Variants in CSMD1 observed in about 807,000 individuals in gnomAD.
CSMD1 encodes CUB and sushi domain-containing protein 1.
A neutral mutation model predicts 417.5 loss-of-function variants in CSMD1; 213 were observed. The ratio of observed to expected loss-of-function variants is 0.51; its 90% CI spans 0.46 to 0.57. The LOEUF (loss-of-function observed/expected upper bound fraction) is 0.57, where lower values mean the gene tolerates loss of function less well. Among genes scored for constraint, CSMD1 ranks in the 20% least tolerant of loss-of-function variants. The pLI, the probability that CSMD1 is intolerant of heterozygous loss-of-function variation, is 0.00. For synonymous variants in CSMD1, 2,862 were observed against 1,736.8 expected (o/e 1.65, Z -16.11); for missense variants, 6,923 against 4,529.7 (o/e 1.53, Z -15.17).
intron 10 of CSMD1, among the ~76,000 whole-genome samples, chr8:3,537,193 G>T (rs1020125927): frequency 7.2e-5 from 11 of 152,086 alleles, no homozygotes; most frequent in South Asian, 2.1e-4. Context: ...TAAGAGACAG[G>T]TTTCACCATG....
chr8:4,461,733 A>G (rs944463447), intron 2 of CSMD1, among the ~76,000 whole-genome samples: 48 of 108,728 alleles, frequency 4.4e-4, no homozygotes, highest in African/African-American at 1.7e-3. Flanking sequence ...TTTATTATTT[A>G]TTTACTTATT....
At chr8:4,460,832 T>C (rs1473022466) in intron 2 of CSMD1, among the ~76,000 whole-genome samples, 4 of 152,156 alleles carry the variant, frequency 2.6e-5, no homozygotes, top group African/African-American at 9.7e-5. Context: ...CACTGGTGAA[T>C]TCTACCAAAC....
chr8:3,619,902 G>C (rs544504391), intron 7 of CSMD1, among the ~76,000 whole-genome samples: 1 of 152,098 alleles, frequency 6.6e-6, no homozygotes, highest in African/African-American at 2.4e-5. Context: ...AGGAATTCAA[G>C]ACTGGCCTGG....
intron 4 of CSMD1, among the ~76,000 whole-genome samples, chr8:4,030,696 T>C (rs1467077686): frequency 6.6e-6 from 1 of 152,222 alleles, no homozygotes; most frequent in African/African-American, 2.4e-5. Flanking sequence ...TATACAAATT[T>C]CTGCAGTTGG....
At chr8:3,646,971 T>A (rs1424123224) in intron 7 of CSMD1, among the ~76,000 whole-genome samples, 1 of 152,122 alleles carries the variant, frequency 6.6e-6, no homozygotes, top group Non-Finnish European at 1.5e-5. Flanking sequence ...CTATAACTAT[T>A]CCCAAATTCA....
At chr8:4,777,701 G>A (rs888422857) in intron 1 of CSMD1, among the ~76,000 whole-genome samples, 6 of 152,182 alleles carry the variant, frequency 3.9e-5, no homozygotes, top group African/African-American at 1.4e-4. Flanking sequence ...TGGTGAAACT[G>A]CAATTACTTC....
intron 1 of CSMD1, among the ~76,000 whole-genome samples, chr8:4,792,390 T>C (rs1400844900): frequency 6.6e-6 from 1 of 152,210 alleles, no homozygotes; most frequent in Non-Finnish European, 1.5e-5. Context: ...TCCAGAGACA[T>C]TTCGTCTTTT....
chr8:3,049,091 G>A (rs966030340), intron 50 of CSMD1, among the ~76,000 whole-genome samples: 3 of 152,094 alleles, frequency 2.0e-5, no homozygotes, highest in Admixed American at 6.5e-5. Flanking sequence ...CCAGATGCTC[G>A]CGACAACGTG....
chr8:4,642,887 C>G (rs1195341704), intron 1 of CSMD1, among the ~76,000 whole-genome samples: 1 of 152,174 alleles, frequency 6.6e-6, no homozygotes, highest in Non-Finnish European at 1.5e-5. Context: ...GTGGACTATA[C>G]TGTTCTGTAT....
At chr8:4,380,322 C>T (rs79962398) in intron 3 of CSMD1, among the ~76,000 whole-genome samples, 18,945 of 152,156 alleles carry the variant, frequency 0.12, 1,311 homozygotes, top group Admixed American at 0.22. Context: ...ATAGCACACC[C>T]TCCTTACATT....
intron 10 of CSMD1, among the ~76,000 whole-genome samples, chr8:3,556,415 T>TATATATATATATATATATAAATACATA: frequency 1.8e-5 from 1 of 57,124 alleles, no homozygotes; most frequent in African/African-American, 6.2e-5. Context: ...ATATATATAT[T>TATATATATATATATATATAAATACATA]CACACACACA....
chr8:4,712,274 G>C (rs1031638153), intron 1 of CSMD1, among the ~76,000 whole-genome samples: 6 of 152,208 alleles, frequency 3.9e-5, no homozygotes, highest in African/African-American at 1.4e-4. Flanking sequence ...ATACATGTAG[G>C]TGAGAGTACA....
chr8:3,081,908 G>A (rs1814130924), intron 49 of CSMD1, among the ~76,000 whole-genome samples: 1 of 152,142 alleles, frequency 6.6e-6, no homozygotes, highest in Non-Finnish European at 1.5e-5. Context: ...GGGACAGCTT[G>A]CCCCGTGGAC....
At chr8:3,709,680 G>GTTTTTTTTTTTTTTTTTT (rs56272726) in intron 6 of CSMD1, among the ~76,000 whole-genome samples, 376 of 33,618 alleles carry the variant, frequency 0.011, 91 homozygotes, top group Non-Finnish European at 0.016. Flanking sequence ...GCAGCAGCAT[G>GTTTTTTTTTTTTTTTTTT]TTTTTTTTTT....
chr8:3,845,914 C>T (rs1036001425), intron 5 of CSMD1, among the ~76,000 whole-genome samples: 1 of 151,854 alleles, frequency 6.6e-6, no homozygotes, highest in Non-Finnish European at 1.5e-5. Context: ...CAGTGATCAT[C>T]AATATCACTA....
chr8:3,741,798 C>A (rs1584931442), intron 6 of CSMD1, among the ~76,000 whole-genome samples: 1 of 152,300 alleles, frequency 6.6e-6, no homozygotes, highest in African/African-American at 2.4e-5. Flanking sequence ...CTATGACCCT[C>A]CATGGCCCTT....
intron 3 of CSMD1, among the ~76,000 whole-genome samples, chr8:4,199,038 G>A (rs927452464): frequency 6.6e-6 from 1 of 152,048 alleles, no homozygotes; most frequent in Admixed American, 6.5e-5. Flanking sequence ...TGTACAGTGA[G>A]CTCTCATCCT....
intron 41 of CSMD1, among the ~76,000 whole-genome samples, chr8:3,136,893 AT>A (rs1015831753): frequency 4.7e-5 from 7 of 148,942 alleles, no homozygotes; most frequent in African/African-American, 1.5e-4. Flanking sequence ...AATTGGCTAA[AT>A]TTTTTTAAAA....
At chr8:3,527,728 G>A (rs763176428) in intron 10 of CSMD1, among the ~76,000 whole-genome samples, 7 of 152,088 alleles carry the variant, frequency 4.6e-5, no homozygotes, top group Non-Finnish European at 8.8e-5. Flanking sequence ...TGGGAGGGGT[G>A]GGTGAAACGA....
Sources: allele counts gnomAD v4.1 joint callset (sites outside exome capture counted in the v4.1 genomes callset), GRCh38; gene constraint gnomAD v4.1.1; transcripts MANE v1.5; gene names NCBI Gene and HGNC (gene_info 2026-07-23, HGNC 2026-07-21).